Variants in RBFOX1 observed in about 807,000 individuals in gnomAD.
RBFOX1 encodes the protein RNA binding protein fox-1 homolog 1.
Under a neutral mutation model 57.7 loss-of-function variants are expected in RBFOX1, and 8 were observed. The ratio of observed to expected loss-of-function variants is 0.14; its 90% CI spans 0.08 to 0.25. The LOEUF is 0.25. RBFOX1 is among the 10% of genes least tolerant of loss of function. The probability of loss-of-function intolerance (pLI) is 1.00; values close to 1 mark genes in which losing one functional copy is unlikely to be tolerated. For missense variants in RBFOX1, 611 were observed against 548.5 expected, an observed-to-expected ratio of 1.11 and a Z score of -1.14; for synonymous variants, 326 against 222.4, an observed-to-expected ratio of 1.47 and a Z score of -4.15.
At chr16:6,689,997 G>T (rs920312116) in intron 3 of RBFOX1, among the ~76,000 whole-genome samples, 1 of 152,066 alleles carries the variant, frequency 6.6e-6, no homozygotes, top group African/African-American at 2.4e-5. Flanking sequence ...ATCAGCTTTG[G>T]GTATTGATGA....
chr16:6,437,105 G>A (rs111817705), intron 2 of RBFOX1, among the ~76,000 whole-genome samples: 1,848 of 152,160 alleles, frequency 0.012, 39 homozygotes, highest in African/African-American at 0.04. Flanking sequence ...ATTAATAGGC[G>A]ATCGTTTCCT....
At chr16:7,136,538 C>A (rs1451732913) in intron 4 of RBFOX1, among the ~76,000 whole-genome samples, 2 of 151,498 alleles carry the variant, frequency 1.3e-5, no homozygotes, top group African/African-American at 4.9e-5. Context: ...GCTCGAGTAG[C>A]TGGGATTACA....
intron 3 of RBFOX1, among the ~76,000 whole-genome samples, chr16:6,816,100 G>A (rs1171589504): frequency 1.3e-5 from 2 of 152,156 alleles, no homozygotes; most frequent in Non-Finnish European, 2.9e-5. Context: ...TTGAGCTGAG[G>A]AGTTCGAGAC....
At chr16:7,658,867 A>G (rs2066984136) in intron 12 of RBFOX1, among the ~76,000 whole-genome samples, 1 of 152,186 alleles carries the variant, frequency 6.6e-6, no homozygotes, top group African/African-American at 2.4e-5. Context: ...CTGGGATTAT[A>G]GGCACATGCC....
intron 5 of RBFOX1, among the ~76,000 whole-genome samples, chr16:7,556,337 T>A (rs145982584): frequency 0.016 from 2,497 of 152,312 alleles, 36 homozygotes; most frequent in Middle Eastern, 0.037. Flanking sequence ...CCCCTCCATT[T>A]CATTAAACCA....
At chr16:6,213,812 C>G (rs1211183614) in intron 1 of RBFOX1, among the ~76,000 whole-genome samples, 2 of 152,198 alleles carry the variant, frequency 1.3e-5, no homozygotes, top group Non-Finnish European at 2.9e-5. Flanking sequence ...CCAGGGTTCT[C>G]AACCTCATCA....
intron 2 of RBFOX1, among the ~76,000 whole-genome samples, chr16:6,535,510 A>C (rs1178306552): frequency 6.6e-6 from 1 of 151,700 alleles, no homozygotes; most frequent in African/African-American, 2.4e-5. Context: ...TTCCCTATAA[A>C]CTCCATGTGG....
chr16:5,746,717 C>T (rs2052995772), intron 3 of RBFOX1, among the ~76,000 whole-genome samples: 1 of 152,164 alleles, frequency 6.6e-6, no homozygotes, highest in Admixed American at 6.5e-5. Flanking sequence ...AATGGGAGTT[C>T]ACTCATGATT....
chr16:6,355,516 T>C (rs1351308494), intron 2 of RBFOX1, among the ~76,000 whole-genome samples: 1 of 152,232 alleles, frequency 6.6e-6, no homozygotes, highest in Non-Finnish European at 1.5e-5. Flanking sequence ...TGCCACATTT[T>C]CTTCATCCAG....
At chr16:6,106,477 A>T (rs2096380826) in intron 1 of RBFOX1, among the ~76,000 whole-genome samples, 1 of 151,316 alleles carries the variant, frequency 6.6e-6, no homozygotes, top group Admixed American at 6.6e-5. Context: ...AAAAATAAAA[A>T]AAAAAAAAGG....
At position 6,718,406 on chromosome 16, in the gene RBFOX1, G is replaced by A. The variant is rs554196736; in HGVS notation, c.-16+63756G>A. ...GCTGAAAAATATAATTACAAGTTTTGAAAAGTGGTGTAAGGAAGTCCACAA... is the reference window on the plus strand; with the variant it reads ...GCTGAAAAATATAATTACAAGTTTTAAAAAGTGGTGTAAGGAAGTCCACAA... On this transcript the variant is annotated intron_variant, in intron 3 of 15. Coordinates refer to ENST00000550418, the MANE Select transcript of RBFOX1 (RefSeq NM_018723.4). 2.6e-5 allele frequency among the ~76,000 whole-genome samples: 4 copies of A among 152,308 alleles called. No homozygotes were observed. The Middle Eastern group carries it at 0.01, about 389-fold the overall frequency.
chr16:7,331,611 G>A (rs1271774506), intron 4 of RBFOX1, among the ~76,000 whole-genome samples: 2 of 151,990 alleles, frequency 1.3e-5, no homozygotes, highest in East Asian at 1.9e-4. Context: ...AATAGCTGCC[G>A]GTACTGCACA....
intron 1 of RBFOX1, among the ~76,000 whole-genome samples, chr16:6,167,851 C>T (rs560744550): frequency 1.3e-5 from 2 of 152,208 alleles, no homozygotes; most frequent in East Asian, 1.9e-4. Flanking sequence ...GTGCTCCAAG[C>T]ACTGCTCCGG....
At chr16:7,460,121 C>G (rs1317848498) in intron 4 of RBFOX1, among the ~76,000 whole-genome samples, 1 of 151,714 alleles carries the variant, frequency 6.6e-6, no homozygotes, top group African/African-American at 2.4e-5. Context: ...CAGGTTTTTG[C>G]AATATTTCTC....
chr16:5,457,562 T>A (rs1276002235), intron 1 of RBFOX1, among the ~76,000 whole-genome samples: 1 of 152,186 alleles, frequency 6.6e-6, no homozygotes, highest in East Asian at 1.9e-4. Flanking sequence ...TCTGAGGAAT[T>A]TTGGGGCCAC....
chr16:7,270,350 G>T (rs541354262), intron 4 of RBFOX1, among the ~76,000 whole-genome samples: 1 of 152,168 alleles, frequency 6.6e-6, no homozygotes, highest in African/African-American at 2.4e-5. Flanking sequence ...TGTTATTTCA[G>T]ATAAGCTTCT....
chr16:5,771,693 G>A (rs927663591), intron 3 of RBFOX1, among the ~76,000 whole-genome samples: 1 of 152,152 alleles, frequency 6.6e-6, no homozygotes, highest in East Asian at 1.9e-4. Context: ...ACAGATGTAA[G>A]CTACCACACC....
intron 2 of RBFOX1, among the ~76,000 whole-genome samples, chr16:5,504,843 C>A (rs560954384): frequency 1.3e-5 from 2 of 152,206 alleles, no homozygotes; most frequent in Non-Finnish European, 2.9e-5. Flanking sequence ...TGAGGGCTTG[C>A]TGACCCCTGT....
At chr16:7,453,585 A>G (rs2057847774) in intron 4 of RBFOX1, among the ~76,000 whole-genome samples, 1 of 152,194 alleles carries the variant, frequency 6.6e-6, no homozygotes, top group Non-Finnish European at 1.5e-5. Context: ...AACAAATGGC[A>G]CTTTGATGAG....
Sources: allele counts gnomAD v4.1 joint callset (sites outside exome capture counted in the v4.1 genomes callset), GRCh38; gene constraint gnomAD v4.1.1; transcripts MANE v1.5; gene names NCBI Gene and HGNC (gene_info 2026-07-23, HGNC 2026-07-21).